Variants in ATP6V1A observed in about 807,000 individuals in gnomAD.
The protein encoded by ATP6V1A is ATPase H+ transporting V1 subunit A, also known as V-type proton ATPase catalytic subunit A.
ATP6V1A carries 18 observed loss-of-function variants against 70.1 expected under a neutral mutation model. The observed-to-expected ratio is 0.26, with a 90% CI of 0.18 to 0.38. The LOEUF is 0.38. ATP6V1A is among the 10% of genes least tolerant of loss of function. The pLI is 1.00. For missense variants in ATP6V1A, 424 were observed against 772.4 expected (o/e 0.55, Z 5.35); for synonymous variants, 232 against 253.8 (o/e 0.91, Z 0.82).
chr3:113,801,546 C>A (rs957836209), intron 12 of ATP6V1A, among the ~76,000 whole-genome samples: 1 of 152,162 alleles, frequency 6.6e-6, no homozygotes, highest in Non-Finnish European at 1.5e-5. Context: ...CCTAGCAATT[C>A]TGTTTCTGGA....
intron 8 of ATP6V1A, among the ~76,000 whole-genome samples, chr3:113,790,972 A>G (rs1270654863): frequency 6.6e-6 from 1 of 152,102 alleles, no homozygotes; most frequent in Non-Finnish European, 1.5e-5. Context: ...CTCTTTTCCC[A>G]AAGGACTTTC....
At chr3:113,754,149 G>A (rs1168065413) in intron 1 of ATP6V1A, among the ~76,000 whole-genome samples, 1 of 152,094 alleles carries the variant, frequency 6.6e-6, no homozygotes, top group African/African-American at 2.4e-5. Flanking sequence ...GAAACAATGG[G>A]CACTAAGATG....
intron 4 of ATP6V1A, 120 bp downstream of exon 4, chr3:113,784,558 T>G: frequency 7.2e-7 from 1 of 1,394,164 alleles, no homozygotes; most frequent in Non-Finnish European, 9.7e-7. Flanking sequence ...AGTTTAAAGT[T>G]TTTCTTAACT....
At chr3:113,783,811 T>C (rs1709008300) in intron 3 of ATP6V1A, among the ~76,000 whole-genome samples, 1 of 152,216 alleles carries the variant, frequency 6.6e-6, no homozygotes, top group Non-Finnish European at 1.5e-5. Flanking sequence ...GCAGGTATCA[T>C]GTGACAATCA....
chr3:113,803,947 C>A (rs1355953687), intron 13 of ATP6V1A, among the ~76,000 whole-genome samples: 1 of 152,124 alleles, frequency 6.6e-6, no homozygotes, highest in Non-Finnish European at 1.5e-5. Context: ...GGATTATTCC[C>A]TCCTTCAGAA....
Position 113,756,222 on chromosome 3 carries a change from G to A in ATP6V1A, c.-14+9109G>A, listed in dbSNP as rs112434859. Reference sequence around the variant, plus strand: ...TTCCAGAGATTGCTGCCATAATACCGCTAAACATGTAGCCTGTCATAGTAT... The same window carrying A: ...TTCCAGAGATTGCTGCCATAATACCACTAAACATGTAGCCTGTCATAGTAT... On this transcript the variant is annotated intron_variant, in intron 1 of 14. Transcript: ENST00000273398. 7.3e-4 allele frequency among the ~76,000 whole-genome samples: 111 copies of A among 152,226 alleles called. 3 individuals are homozygous for A. Among genetic ancestry groups the A allele is most frequent in the African/African-American group, 2.4e-3 (101 of 41,564 alleles).
At chr3:113,750,856 G>C (rs1708578373) in intron 1 of ATP6V1A, among the ~76,000 whole-genome samples, 1 of 152,146 alleles carries the variant, frequency 6.6e-6, no homozygotes, top group Non-Finnish European at 1.5e-5. Context: ...ATGAAGAAGA[G>C]AGTAGAATTT....
At chr3:113,787,442 G>C (rs1242046755) in intron 6 of ATP6V1A, among the ~76,000 whole-genome samples, 1 of 152,168 alleles carries the variant, frequency 6.6e-6, no homozygotes, top group Non-Finnish European at 1.5e-5. Context: ...TCATGGCAAA[G>C]AAGTAAATAC....
intron 1 of ATP6V1A, among the ~76,000 whole-genome samples, chr3:113,767,379 G>A (rs77063576): frequency 3.9e-4 from 60 of 152,156 alleles, no homozygotes; most frequent in Non-Finnish European, 6.8e-4. Context: ...AAGCCACTGC[G>A]CCCAGCCTGA....
At chr3:113,762,781 A>G (rs1022964165) in intron 1 of ATP6V1A, among the ~76,000 whole-genome samples, 5 of 152,128 alleles carry the variant, frequency 3.3e-5, no homozygotes, top group Non-Finnish European at 7.3e-5. Context: ...TGGGGGGGGA[A>G]TACTGTAGGA....
At chr3:113,767,495 A>G (rs564714123) in intron 1 of ATP6V1A, among the ~76,000 whole-genome samples, 2 of 152,308 alleles carry the variant, frequency 1.3e-5, no homozygotes, top group East Asian at 3.9e-4. Flanking sequence ...ACGCACTTTG[A>G]GGGCAGGGAT....
chr3:113,781,263 A>G, intron 3 of ATP6V1A, 85 bp downstream of exon 3: 1 of 1,426,648 alleles, frequency 7.0e-7, no homozygotes, highest in Non-Finnish European at 9.3e-7. Context: ...CACACAAAGT[A>G]ATCCCAGCAC....
At position 113,809,485 on chromosome 3, in the gene ATP6V1A, T is replaced by C. The variant is rs1461183666; in HGVS notation, c.*58T>C. 5.9e-5 allele frequency: 87 copies of C among 1,472,916 alleles called. No homozygotes were observed. The highest frequency in any genetic ancestry group is 7.5e-6 in the Non-Finnish European group (8 of 1,066,334). The allele number at this position is 1,472,916 out of a possible 1,614,324, so 91.2% of individuals were successfully genotyped here. ...TCCTCAGCAAGCTCCTATGTGTATA[T>C]TTTCCTGAATTTCTCATCTCAAACC... On this transcript the variant is annotated 3_prime_UTR_variant, in exon 15 of 15. Coordinates refer to ENST00000273398, the MANE Select transcript of ATP6V1A (RefSeq NM_001690.4).
At chr3:113,771,115 T>G (rs1485134669) in intron 1 of ATP6V1A, among the ~76,000 whole-genome samples, 7 of 152,004 alleles carry the variant, frequency 4.6e-5, no homozygotes, top group Admixed American at 4.6e-4. Context: ...AAATTAACTT[T>G]GAATATAATC....
chr3:113,800,464 T>C (rs2108042172), intron 12 of ATP6V1A, among the ~76,000 whole-genome samples: 1 of 152,214 alleles, frequency 6.6e-6, no homozygotes, highest in East Asian at 1.9e-4. Context: ...AGACTTGTGA[T>C]TGTATAAACG....
rs191341956 is a variant in ATP6V1A at position 113,810,523 on chromosome 3, T to C, written c.*1096T>C. On this transcript the variant is annotated 3_prime_UTR_variant, in exon 15 of 15. Coordinates refer to ENST00000273398, the MANE Select transcript of ATP6V1A (RefSeq NM_001690.4). ...CAAGGACTATTACATACTTCATTAC[T>C]AGGAAGTTCTTTTTAAAATGACACT... 1.3e-5 allele frequency: 2 copies of C among 152,312 alleles called. No homozygotes were observed. Among genetic ancestry groups the C allele is most frequent in the Admixed American group, 1.3e-4 (2 of 15,292 alleles). 9.4% of individuals were successfully genotyped at this position (152,312 alleles called of 1,614,324 possible). A position where few individuals can be genotyped will look rare whatever the true frequency, so the allele number is the denominator to read the frequency against.
At chr3:113,798,610 T>G (rs1287085446) in intron 12 of ATP6V1A, among the ~76,000 whole-genome samples, 164 bp downstream of exon 12, 1 of 152,236 alleles carries the variant, frequency 6.6e-6, no homozygotes, top group African/African-American at 2.4e-5. Context: ...GCATGGTTTT[T>G]GGGTATATTG....
At chr3:113,788,515 T>C (rs1027842373) in intron 6 of ATP6V1A, among the ~76,000 whole-genome samples, 198 bp from the exon 7 acceptor site, 9 of 151,776 alleles carry the variant, frequency 5.9e-5, no homozygotes, top group African/African-American at 2.2e-4. Flanking sequence ...TCTTTTTTTT[T>C]TTGTAATTTT....
intron 10 of ATP6V1A, among the ~76,000 whole-genome samples, chr3:113,795,451 T>G (rs1348127938): frequency 1.3e-5 from 2 of 151,580 alleles, no homozygotes; most frequent in Admixed American, 6.6e-5. Context: ...AATTTAGATA[T>G]TTATTTAATT....
Sources: allele counts gnomAD v4.1 joint callset (sites outside exome capture counted in the v4.1 genomes callset), GRCh38; gene constraint gnomAD v4.1.1; transcripts MANE v1.5; gene names NCBI Gene and HGNC (gene_info 2026-07-23, HGNC 2026-07-21).